The following NDUFA8 variants were observed in gnomAD, a reference collection of about 807,000 sequenced individuals.
NDUFA8 encodes NADH:ubiquinone oxidoreductase subunit A8.
NDUFA8 carries 16 observed loss-of-function variants against 20.9 expected under a neutral mutation model. The ratio of observed to expected loss-of-function variants is 0.77; its 90% CI spans 0.52 to 1.16. NDUFA8 has a LOEUF of 1.16. Ranked by LOEUF, NDUFA8 falls within the 50% of genes most tolerant of loss-of-function variation. The pLI, the probability that NDUFA8 is intolerant of heterozygous loss-of-function variation, is 0.00. For missense variants in NDUFA8, 202 were observed against 216.4 expected, an observed-to-expected ratio of 0.93 and a Z score of 0.42; for synonymous variants, 70 against 76.1, an observed-to-expected ratio of 0.92 and a Z score of 0.41.
intron 3 of NDUFA8, among the ~76,000 whole-genome samples, chr9:122,145,171 G>A (rs778060383): frequency 2.0e-4 from 31 of 152,320 alleles, no homozygotes; most frequent in Non-Finnish European, 2.8e-4. Context: ...AGGTGTTTGC[G>A]TTTTAACCTG....
downstream of NDUFA8, among the ~76,000 whole-genome samples, chr9:122,141,079 G>A (rs1016743273): frequency 7.2e-5 from 11 of 152,332 alleles, no homozygotes; most frequent in East Asian, 3.9e-4. Flanking sequence ...AGGCAGCTAC[G>A]GGGAAGGACT....
chr9:122,159,644 C>T lies in NDUFA8; in HGVS notation c.34G>A (p.Glu12Lys), dbSNP rs1422703832. 5 of 1,614,168 alleles carry T rather than the reference C, an allele frequency of 3.1e-6. No homozygotes were observed. In the South Asian group the frequency reaches 3.3e-5, roughly 11 times the overall value. Residue 12 changes from glutamate (E) to lysine (K), a missense_variant, in exon 1 of 4, where the codon GAG (glutamate) becomes AAG (lysine). Transcript: ENST00000373768. ...PGIVELPTLE[E>K]LKVDEVKISS... ...AGCCTCACCTCATCTACTTTCAGCT[C>T]CTCTAGAGTGGGCAGCTCCACTATC...
the NDUFA8 span, among the ~76,000 whole-genome samples, chr9:122,138,876 C>G: frequency 0.068 from 6,378 of 93,900 alleles, 281 homozygotes; most frequent in East Asian, 0.13. Flanking sequence ...GGGGGGGGGG[C>G]CATCTGAGCA....
intron 1 of NDUFA8, among the ~76,000 whole-genome samples, chr9:122,157,811 T>C (rs896729803): frequency 6.6e-6 from 1 of 152,196 alleles, no homozygotes; most frequent in Non-Finnish European, 1.5e-5. Flanking sequence ...AAAATAACAG[T>C]TGCCACTCTC....
At chr9:122,158,713 T>C (rs1416780404) in intron 1 of NDUFA8, among the ~76,000 whole-genome samples, 2 of 149,464 alleles carry the variant, frequency 1.3e-5, no homozygotes, top group East Asian at 1.9e-4. Context: ...ATATATGGTA[T>C]ATACATATAT....
intron 3 of NDUFA8, among the ~76,000 whole-genome samples, chr9:122,146,287 G>C (rs1475860260): frequency 6.6e-6 from 1 of 152,050 alleles, no homozygotes; most frequent in Non-Finnish European, 1.5e-5. Flanking sequence ...TTTGAAAAGA[G>C]TTAAGAGAAT....
At chr9:122,150,694 G>C (rs886431721) in intron 2 of NDUFA8, among the ~76,000 whole-genome samples, 2 of 152,016 alleles carry the variant, frequency 1.3e-5, no homozygotes, top group Non-Finnish European at 2.9e-5. Context: ...TCACGGCCAG[G>C]TGCGGTGGCT....
At chr9:122,135,579 C>T in the NDUFA8 span, among the ~76,000 whole-genome samples, 1 of 152,226 alleles carries the variant, frequency 6.6e-6, no homozygotes, top group Non-Finnish European at 1.5e-5. Flanking sequence ...TGCAGCCAAA[C>T]AGCCATGGGT....
the NDUFA8 span, among the ~76,000 whole-genome samples, chr9:122,138,899 AG>A: frequency 1.3e-5 from 2 of 149,550 alleles, no homozygotes; most frequent in African/African-American, 4.9e-5. Context: ...GGACACAGCA[AG>A]AGGAAAGGCA....
chr9:122,135,817 G>C, the NDUFA8 span, among the ~76,000 whole-genome samples: 1 of 152,136 alleles, frequency 6.6e-6, no homozygotes, highest in African/African-American at 2.4e-5. Flanking sequence ...TTGAGCTCCT[G>C]GGGTCAAGTG....
chr9:122,133,958 C>A, the NDUFA8 span, among the ~76,000 whole-genome samples: 2 of 152,202 alleles, frequency 1.3e-5, no homozygotes, highest in Non-Finnish European at 2.9e-5. Context: ...ATGCTTATCT[C>A]TTTGAGTCTG....
intron 3 of NDUFA8, among the ~76,000 whole-genome samples, chr9:122,147,679 G>GT (rs1486527548): frequency 6.9e-6 from 1 of 144,658 alleles, no homozygotes; most frequent in Non-Finnish European, 1.5e-5. Context: ...TTGGAGTGGA[G>GT]GTAGTGGCAC....
intron 2 of NDUFA8, among the ~76,000 whole-genome samples, chr9:122,151,242 C>T (rs1433668472): frequency 5.3e-5 from 8 of 152,110 alleles, no homozygotes; most frequent in Non-Finnish European, 1.2e-4. Flanking sequence ...CCCATTCTTC[C>T]GTAACATCCT....
chr9:122,153,269 A>G (rs1049737272), intron 1 of NDUFA8, among the ~76,000 whole-genome samples: 1 of 151,308 alleles, frequency 6.6e-6, no homozygotes, highest in Non-Finnish European at 1.5e-5. Context: ...TCTGTCTCAA[A>G]AAAAAAAAAA....
At chr9:122,148,956 T>C (rs1319742151) in intron 2 of NDUFA8, among the ~76,000 whole-genome samples, 2 of 152,212 alleles carry the variant, frequency 1.3e-5, no homozygotes, top group Admixed American at 6.5e-5. Context: ...AACTTCTGTG[T>C]ATAAAAAGAA....
downstream of NDUFA8, chr9:122,143,946 C>T (rs991323621): frequency 1.0e-5 from 7 of 694,252 alleles, no homozygotes; most frequent in East Asian, 2.6e-4. Flanking sequence ...GCCACATGAG[C>T]GAGTGCCTAA....
At chr9:122,151,504 C>T (rs926459052) in intron 2 of NDUFA8, among the ~76,000 whole-genome samples, 16 of 152,200 alleles carry the variant, frequency 1.1e-4, no homozygotes, top group African/African-American at 3.4e-4. Context: ...AACAGCAACT[C>T]GAGTGGCTGG....
chr9:122,151,300 G>T (rs1828993204), intron 2 of NDUFA8, among the ~76,000 whole-genome samples: 1 of 152,128 alleles, frequency 6.6e-6, no homozygotes, highest in South Asian at 2.1e-4. Flanking sequence ...CAGCAATGTG[G>T]TTTGGATGAA....
At chr9:122,144,535 T>C (rs1828873680) in intron 3 of NDUFA8, among the ~76,000 whole-genome samples, 157 bp from the exon 4 acceptor site, 1 of 152,214 alleles carries the variant, frequency 6.6e-6, no homozygotes, top group South Asian at 2.1e-4. Flanking sequence ...TATTTAATCA[T>C]TGAACAAACA....
Sources: gnomAD v4.1 joint callset for allele counts (sites outside exome capture counted in the v4.1 genomes callset) on GRCh38, gnomAD v4.1.1 for gene constraint, MANE v1.5 for transcripts, NCBI Gene and HGNC (gene_info 2026-07-23, HGNC 2026-07-21) for gene names.